PLCZ1: variants seen among roughly 807,000 people sequenced by gnomAD.
The protein encoded by PLCZ1 is phospholipase C zeta 1, also known as 1-phosphatidylinositol 4,5-bisphosphate phosphodiesterase zeta-1.
In PLCZ1, 64 loss-of-function variants were observed where a neutral mutation model predicts 76.8. The observed-to-expected ratio is 0.83, with a 90% confidence interval of 0.68 to 1.03. The LOEUF is 1.03. Ranked by LOEUF, PLCZ1 falls within the 50% of genes least tolerant of loss-of-function variation. PLCZ1 has a pLI of 0.00. For missense variants in PLCZ1, 751 were observed against 713.7 expected, an observed-to-expected ratio of 1.05 and a Z score of -0.60; for synonymous variants, 248 against 230.8, an observed-to-expected ratio of 1.07 and a Z score of -0.68.
chr12:18,679,672 A>G (rs1020169706), downstream of PLCZ1, among the ~76,000 whole-genome samples: 2 of 152,024 alleles, frequency 1.3e-5, no homozygotes, highest in Admixed American at 6.6e-5. Context: ...GGCACACATT[A>G]GGCCCTGGCT....
At chr12:18,653,096 G>A in the PLCZ1 span, among the ~76,000 whole-genome samples, 1 of 151,844 alleles carries the variant, frequency 6.6e-6, no homozygotes, top group East Asian at 1.9e-4. Flanking sequence ...AAAAAGCACA[G>A]GCTGGAAAAA....
intron 9 of PLCZ1, among the ~76,000 whole-genome samples, 179 bp from the exon 10 acceptor site, chr12:18,700,129 G>A (rs1022856119): frequency 6.6e-6 from 1 of 151,990 alleles, no homozygotes; most frequent in Non-Finnish European, 1.5e-5. Flanking sequence ...AATATTTAAT[G>A]TTAAGATAAG....
downstream of PLCZ1, among the ~76,000 whole-genome samples, chr12:18,680,761 A>G (rs188627254): frequency 2.9e-3 from 448 of 152,172 alleles, 4 homozygotes; most frequent in African/African-American, 9.9e-3. Context: ...CATCTCAGTA[A>G]GAGGGTATTA....
intron 3 of PLCZ1, 40 bp from the exon 4 acceptor site, chr12:18,723,582 A>G (rs1037862327): frequency 2.1e-6 from 3 of 1,428,230 alleles, no homozygotes; most frequent in Admixed American, 1.7e-5. Context: ...TTGTGAGTAT[A>G]AAAAATACAT....
At chr12:18,721,765 T>A (rs760056406) in intron 4 of PLCZ1, among the ~76,000 whole-genome samples, 25 of 151,482 alleles carry the variant, frequency 1.7e-4, no homozygotes, top group African/African-American at 6.1e-4. Context: ...CTTAGTGATA[T>A]AGTCGCTTAG....
Position 18,699,797 on chromosome 12 carries a change from G to A in PLCZ1, c.1171C>T (p.Arg391Ter), listed in dbSNP as rs138740994. ...TATTTGAGTCACAAAAATTTACCTCGCAATTTTGAAAGTTTTCGGGCTTGT... is the reference window on the plus strand; with the variant it reads ...TATTTGAGTCACAAAAATTTACCTCACAATTTTGAAAGTTTTCGGGCTTGT... ...ETQARKLSKLRVHEFIFHTRK... is the reference protein window; with the variant it reads ...ETQARKLSKL Residue 391 changes from arginine (R) to a stop codon, truncating the protein, a stop_gained, in exon 10 of 15, where the codon CGA (arginine) becomes TGA (stop). Coordinates refer to ENST00000266505, the MANE Select transcript of PLCZ1 (RefSeq NM_033123.4). LOFTEE classifies it high-confidence loss of function. The A allele has an allele frequency of 3.6e-5, 58 of 1,612,608 alleles. No individual in the cohort carries two copies. Among genetic ancestry groups the A allele is most frequent in the Non-Finnish European group, 4.7e-5 (55 of 1,179,218 alleles).
intron 13 of PLCZ1, chr12:18,685,615 A>G (rs771211488): frequency 3.9e-5 from 20 of 516,256 alleles, no homozygotes; most frequent in African/African-American, 3.7e-4. Flanking sequence ...CAGAAATAGT[A>G]AACTAATTGG....
At chr12:18,735,927 C>G (rs964812050) in intron 3 of PLCZ1, 1 of 240,026 alleles carries the variant, frequency 4.2e-6, no homozygotes, top group African/African-American at 2.3e-5. Flanking sequence ...AAATCACTAA[C>G]ATCTAATACA....
chr12:18,718,674 T>C (rs1259248822), intron 5 of PLCZ1, among the ~76,000 whole-genome samples: 2 of 152,190 alleles, frequency 1.3e-5, no homozygotes, highest in Non-Finnish European at 1.5e-5. Flanking sequence ...CTGACAACTT[T>C]ACCCTAAGTA....
At chr12:18,703,672 G>A (rs767188521) in intron 7 of PLCZ1, among the ~76,000 whole-genome samples, 1 of 152,180 alleles carries the variant, frequency 6.6e-6, no homozygotes, top group East Asian at 1.9e-4. Flanking sequence ...TAACCCTTGT[G>A]TGGAAAATAC....
intron 10 of PLCZ1, among the ~76,000 whole-genome samples, chr12:18,698,810 A>T (rs1248657619): frequency 6.6e-6 from 1 of 152,164 alleles, no homozygotes; most frequent in Non-Finnish European, 1.5e-5. Context: ...GTTATTTTTA[A>T]ATGTACAATA....
chr12:18,720,368 T>C (rs950235453), intron 4 of PLCZ1, among the ~76,000 whole-genome samples: 1 of 151,750 alleles, frequency 6.6e-6, no homozygotes, highest in African/African-American at 2.4e-5. Flanking sequence ...CATTTCTGTA[T>C]GGTGCATGCC....
At chr12:18,659,663 C>CTTTTT in the PLCZ1 span, among the ~76,000 whole-genome samples, 128 of 133,798 alleles carry the variant, frequency 9.6e-4, 1 homozygote, top group Middle Eastern at 4.0e-3. Context: ...GTTCTCCATT[C>CTTTTT]TTTTTTTTTT....
rs142110310 is a variant in PLCZ1 at position 18,725,847 on chromosome 12, T to G, written c.136-2305A>C. Among the ~76,000 whole-genome samples the G allele has an allele frequency of 1.5e-3, 234 of 152,216 alleles. 2 individuals are homozygous for G. Among genetic ancestry groups the G allele is most frequent in the African/African-American group, 5.4e-3 (225 of 41,546 alleles). On this transcript the variant is annotated intron_variant, in intron 3 of 14. Transcript: ENST00000266505. ...TTAAATTACCAATTTCTACTAATCC[T>G]TGAAAAAGTGTCACCCACTCTAGAA...
At chr12:18,674,192 C>T in the PLCZ1 span, among the ~76,000 whole-genome samples, 4 of 152,210 alleles carry the variant, frequency 2.6e-5, no homozygotes, top group South Asian at 8.3e-4. Flanking sequence ...AAATGCTTTT[C>T]CATTCATTGC....
At chr12:18,735,948 T>C in intron 3 of PLCZ1, 1 of 290,532 alleles carries the variant, frequency 3.4e-6, no homozygotes, top group Non-Finnish European at 6.5e-6. Flanking sequence ...GTTACCATTA[T>C]CAGTCTGATA....
intron 6 of PLCZ1, among the ~76,000 whole-genome samples, chr12:18,711,215 A>T (rs1365231323): frequency 7.9e-5 from 12 of 151,852 alleles, no homozygotes; most frequent in African/African-American, 1.9e-4. Flanking sequence ...TAAAAAATGA[A>T]GAGTTCATGT....
the PLCZ1 span, among the ~76,000 whole-genome samples, chr12:18,676,945 T>C: frequency 6.6e-6 from 1 of 152,068 alleles, no homozygotes. Flanking sequence ...AGCAAAACTG[T>C]TTTTCTTATT....
chr12:18,723,604 T>TA, intron 3 of PLCZ1, 62 bp from the exon 4 acceptor site: 3 of 1,231,072 alleles, frequency 2.4e-6, no homozygotes, highest in Non-Finnish European at 2.4e-6. Flanking sequence ...AAATGAATAT[T>TA]AGAGTATTTA....
Sources: gnomAD v4.1 joint callset for allele counts (sites outside exome capture counted in the v4.1 genomes callset) on GRCh38, gnomAD v4.1.1 for gene constraint, MANE v1.5 for transcripts, NCBI Gene and HGNC (gene_info 2026-07-23, HGNC 2026-07-21) for gene names.